Variants in EEF2 observed in about 807,000 individuals in gnomAD.
EEF2 encodes the protein elongation factor 2.
Under a neutral mutation model 85.3 loss-of-function variants are expected in EEF2, and 21 were observed. The ratio of observed to expected loss-of-function variants is 0.25; its 90% CI spans 0.17 to 0.35. The LOEUF is 0.35. Among genes scored for constraint, EEF2 ranks in the 10% least tolerant of loss-of-function variants. EEF2 has a pLI of 1.00. For synonymous variants in EEF2, 723 were observed against 508.8 expected, an observed-to-expected ratio of 1.42 and a Z score of -5.67; for missense variants, 825 against 1,225.3, an observed-to-expected ratio of 0.67 and a Z score of 4.88.
Position 3,977,375 on chromosome 19 carries a change from G to A in EEF2, c.2251-28C>T, listed in dbSNP as rs1336632527. 9 of 1,591,822 alleles carry A rather than the reference G, an allele frequency of 5.7e-6. No individual in the cohort carries two copies. Among genetic ancestry groups the A allele is most frequent in the Non-Finnish European group, 7.7e-6 (9 of 1,169,810 alleles). On this transcript the variant is annotated intron_variant, in intron 13 of 14. Transcript: ENST00000309311. This position sits in a 1 kb window ranked among gnomAD's most constrained non-coding sequence, Gnocchi z 5.4. ...GCCAGAAGGGAAAGAAAACCTGTCA[G>A]TGGCCGCTGGGCAGGACGGTGGCAG...
chr19:3,983,904 G>T, intron 2 of EEF2: 1 of 564,986 alleles, frequency 1.8e-6, no homozygotes, highest in Non-Finnish European at 3.2e-6. Flanking sequence ...CAGGGAGGGA[G>T]AACCACGGAG....
At chr19:3,984,039 A>C in intron 2 of EEF2, 97 bp downstream of exon 2, 1 of 1,286,508 alleles carries the variant, frequency 7.8e-7, no homozygotes, top group Non-Finnish European at 1.1e-6. Flanking sequence ...GGGGAAAGAG[A>C]CGTTGCCAAG....
Position 3,979,819 on chromosome 19 carries a change from G to C in EEF2, c.1594C>G (p.Pro532Ala). 6.2e-7 allele frequency: 1 copy of C among 1,612,890 alleles called. No homozygotes were observed. Among genetic ancestry groups the C allele is most frequent in the Admixed American group, 1.7e-5 (1 of 60,004 alleles). Residue 532 changes from proline (P) to alanine (A), a missense_variant, in exon 10 of 15, where the codon CCC (proline) becomes GCC (alanine). Physicochemically the swap from Pro to Ala is conservative, Grantham distance 27 (BLOSUM62 -1). Coordinates refer to ENST00000309311, the MANE Select transcript of EEF2 (RefSeq NM_001961.4). ...EGLKRLAKSD[P>A]MVQCIIEESG... ...CACTCCGTGCCCACCTGCACCATGG[G>C]GTCGGACTTGGCCAGCCGCTTCAGC...
rs2039681336 is a variant in EEF2 at position 3,976,500 on chromosome 19, G to A, written c.*54C>T. On this transcript the variant is annotated 3_prime_UTR_variant, in exon 15 of 15. Transcript: ENST00000309311. ...GTGTCGTCTGAGAATTCGAGGACGT[G>A]GTGCTGTGGGTGCTGCGAGTCCCCG... 1.9e-6 allele frequency: 3 copies of A among 1,548,228 alleles called. No individual in the cohort carries two copies. Among genetic ancestry groups the A allele is most frequent in the South Asian group, 1.2e-5 (1 of 84,816 alleles).
chr19:3,977,356 A>C lies in EEF2; in HGVS notation c.2251-9T>G. 1 of 1,590,992 alleles carries C rather than the reference A, an allele frequency of 6.3e-7. No individual in the cohort carries two copies. The highest frequency in any genetic ancestry group is 8.6e-7 in the Non-Finnish European group (1 of 1,169,134). Reference sequence around the variant, plus strand: ...ACCACCTGCTCTGGACACTGCCAGAAGGGAAAGAAAACCTGTCAGTGGCCG... The same window carrying C: ...ACCACCTGCTCTGGACACTGCCAGACGGGAAAGAAAACCTGTCAGTGGCCG... On this transcript the variant is annotated splice_polypyrimidine_tract_variant and intron_variant, in intron 13 of 14. Coordinates refer to ENST00000309311, the MANE Select transcript of EEF2 (RefSeq NM_001961.4). The surrounding 1 kb of genome is among the most constrained non-coding windows in gnomAD (Gnocchi z 5.4).
chr19:3,983,890 C>G, intron 2 of EEF2: 1 of 545,592 alleles, frequency 1.8e-6, no homozygotes, highest in South Asian at 2.1e-5. Context: ...GGGGGCAAGT[C>G]CCCCAGGGAG....
chr19:3,977,379 C>T lies in EEF2; in HGVS notation c.2251-32G>A, dbSNP rs376043516. On this transcript the variant is annotated intron_variant, in intron 13 of 14. Transcript: ENST00000309311. This position sits in a 1 kb window ranked among gnomAD's most constrained non-coding sequence, Gnocchi z 5.4. The stretch of plus-strand genomic sequence containing the variant: ...GAAGGGAAAGAAAACCTGTCAGTGG[C>T]CGCTGGGCAGGACGGTGGCAGGGTC... 25 of 1,591,278 alleles carry T rather than the reference C, an allele frequency of 1.6e-5. No homozygotes were observed. Among genetic ancestry groups the T allele is most frequent in the Admixed American group, 7.3e-5 (4 of 54,896 alleles).
At chr19:3,984,522 A>G (rs1326563769) in intron 1 of EEF2, among the ~76,000 whole-genome samples, 172 bp from the exon 2 acceptor site, 1 of 152,202 alleles carries the variant, frequency 6.6e-6, no homozygotes, top group Non-Finnish European at 1.5e-5. Flanking sequence ...GCCACCCCGC[A>G]ATCTCCAAGG....
Position 3,980,633 on chromosome 19 carries a change from C to G in EEF2, c.1227G>C (p.Arg409=), listed in dbSNP as rs753813164. The part of the protein sequence containing the change: ...SKMVPTSDKG[R]FYAFGRVFSG... ...AGAAGACTCGTCCAAAGGCGTAGAA[C>G]CGACCTTTGTCGGAGGTTGGCACCA... The change falls in exon 9 of 15, where the codon CGG becomes CGC. Residue 409 remains arginine, a synonymous_variant. Coordinates refer to ENST00000309311, the MANE Select transcript of EEF2 (RefSeq NM_001961.4). 1.9e-6 allele frequency: 3 copies of G among 1,614,136 alleles called. No individual in the cohort carries two copies. The highest frequency in any genetic ancestry group is 3.3e-5 in the Admixed American group (2 of 60,012).
chr19:3,978,309 G>C (rs993788425), intron 11 of EEF2, 137 bp from the exon 12 acceptor site: 8 of 716,696 alleles, frequency 1.1e-5, no homozygotes, highest in African/African-American at 1.8e-5. Context: ...ACGAAGCGGA[G>C]TCAGTGTTGC....
At position 3,976,879 on chromosome 19, in the gene EEF2, G is replaced by A. The variant is rs1398762148; in HGVS notation, c.2384-132C>T. 2.7e-6 allele frequency: 3 copies of A among 1,122,328 alleles called. No individual in the cohort carries two copies. In the African/African-American group the frequency reaches 4.7e-5, roughly 18 times the overall value. 69.5% of individuals were successfully genotyped at this position (1,122,328 alleles called of 1,614,324 possible). The stretch of plus-strand genomic sequence containing the variant: ...GACCAGACACTCGGCCTGGTGCCCA[G>A]CACTTCACGAAGGGCCTAGCAGGCC... On this transcript the variant is annotated intron_variant, in intron 14 of 14. Transcript: ENST00000309311.
intron 3 of EEF2, 45 bp downstream of exon 3, chr19:3,983,065 T>C (rs367911874): frequency 2.5e-6 from 4 of 1,611,272 alleles, no homozygotes; most frequent in African/African-American, 2.7e-5. Context: ...CAAGCAAGGA[T>C]GGCCCCCGGT....
chr19:3,982,296 G>A lies in EEF2; in HGVS notation c.741C>T (p.Ala247=), dbSNP rs150801930. The change falls in exon 5 of 15, where the codon GCC becomes GCT. Residue 247 remains alanine (A), a synonymous_variant. Coordinates refer to ENST00000309311, the MANE Select transcript of EEF2 (RefSeq NM_001961.4). ...AAKGEGQLGP[A]ERAKKVEDMM... ...TGTCCTCTACTTTCTTGGCCCGCTCGGCAGGCCCCAACTGGCCCTCCCCCT... is the reference window on the plus strand; with the variant it reads ...TGTCCTCTACTTTCTTGGCCCGCTCAGCAGGCCCCAACTGGCCCTCCCCCT... 2.7e-4 allele frequency: 443 copies of A among 1,613,992 alleles called. 1 individual carries two copies. Among genetic ancestry groups the A allele is most frequent in the Non-Finnish European group, 3.6e-4 (420 of 1,180,020 alleles).
intron 1 of EEF2, 194 bp downstream of exon 1, chr19:3,985,184 A>T: frequency 5.4e-6 from 3 of 552,856 alleles, no homozygotes; most frequent in Non-Finnish European, 8.5e-6. Flanking sequence ...GCCCTCGGAA[A>T]CGGAGAAAGG....
chr19:3,978,037 T>C lies in EEF2; in HGVS notation c.1849A>G (p.Ile617Val). 2.5e-6 allele frequency: 4 copies of C among 1,602,326 alleles called. No homozygotes were observed. The highest frequency in any genetic ancestry group is 2.6e-6 in the Non-Finnish European group (3 of 1,172,192). Reference sequence around the variant, plus strand: ...CGGGCGGACACCTCGCCTTTATCGATGTCCTCGGCCAGGCCGTCGGGGAAG... The same window carrying C: ...CGGGCGGACACCTCGCCTTTATCGACGTCCTCGGCCAGGCCGTCGGGGAAG... Reference protein sequence around the residue: ...RPFPDGLAEDIDKGEVSARQE... With the variant: ...RPFPDGLAEDVDKGEVSARQE... Residue 617 changes from isoleucine to valine, a missense_variant, in exon 12 of 15, where the codon ATC becomes GTC. Physicochemically the swap from Ile to Val is conservative, Grantham distance 29. Transcript: ENST00000309311.
chr19:3,985,213 C>G (rs1599200072), intron 1 of EEF2, 165 bp downstream of exon 1: 1 of 704,570 alleles, frequency 1.4e-6, no homozygotes, highest in African/African-American at 1.9e-5. Context: ...AACAGCGCGG[C>G]GCACAGACAT....
chr19:3,980,559 T>A lies in EEF2; in HGVS notation c.1301A>T (p.Tyr434Phe). The A allele has an allele frequency of 6.2e-7, 1 of 1,614,188 alleles. No homozygotes were observed. The highest frequency in any genetic ancestry group is 8.5e-7 in the Non-Finnish European group (1 of 1,180,006). ...GLKVRIMGPNYTPGKKEDLYL... is the reference protein window; with the variant it reads ...GLKVRIMGPNFTPGKKEDLYL... ...GAGGTCCTCCTTCTTCCCAGGGGTATAGTTGGGCCCCATGATCCTGACCTT... is the reference window on the plus strand; with the variant it reads ...GAGGTCCTCCTTCTTCCCAGGGGTAAAGTTGGGCCCCATGATCCTGACCTT... The change falls in exon 9 of 15, where the codon TAT (tyrosine) becomes TTT (phenylalanine). Residue 434 changes from tyrosine to phenylalanine, a missense_variant. Coordinates refer to ENST00000309311, the MANE Select transcript of EEF2 (RefSeq NM_001961.4).
At position 3,980,953 on chromosome 19, in the gene EEF2, G is replaced by A. The variant is rs757785891; in HGVS notation, c.1038C>T (p.Ala346=). The A allele has an allele frequency of 2.9e-5, 45 of 1,574,338 alleles. No homozygotes were observed. The highest frequency in any genetic ancestry group is 2.3e-4 in the East Asian group (10 of 42,974). Residue 346 remains alanine (A), a synonymous_variant, in exon 8 of 15, where the codon GCC becomes GCT. Coordinates refer to ENST00000309311, the MANE Select transcript of EEF2 (RefSeq NM_001961.4). ...TGATCATCTGCAACAAGGCGTCTCC[G>A]GCAGGCAGCCAGCGGCGCATCACAG... is the stretch of plus-strand genomic sequence containing the variant. ...LKAVMRRWLP[A]GDALLQMITI...
rs908903328 is a variant in EEF2, at chr19:3,977,767, C to A, written c.2067+52G>T. 8 of 1,510,832 alleles carry A rather than the reference C, an allele frequency of 5.3e-6. No individual in the cohort carries two copies. Among genetic ancestry groups the A allele is most frequent in the Non-Finnish European group, 7.1e-6 (8 of 1,129,792 alleles). The allele number at this position is 1,510,832 out of a possible 1,614,324, so 93.6% of individuals were successfully genotyped here. A position where few individuals can be genotyped will look rare whatever the true frequency, so the allele number is the denominator to read the frequency against. On this transcript the variant is annotated intron_variant, in intron 12 of 14. Coordinates refer to ENST00000309311, the MANE Select transcript of EEF2 (RefSeq NM_001961.4). This position sits in a 1 kb window ranked among gnomAD's most constrained non-coding sequence, Gnocchi z 5.4. ...TCTCGGGAGGCAGGACCATGAGGTCCCTCTAGAGCCTGGAAACGGGTGTGG... is the reference window on the plus strand; with the variant it reads ...TCTCGGGAGGCAGGACCATGAGGTCACTCTAGAGCCTGGAAACGGGTGTGG...
Sources: allele counts gnomAD v4.1 joint callset (sites outside exome capture counted in the v4.1 genomes callset), GRCh38; gene constraint gnomAD v4.1.1; non-coding constraint Gnocchi (gnomAD v3.1); transcripts MANE v1.5; gene names NCBI Gene and HGNC (gene_info 2026-07-23, HGNC 2026-07-21).